The following FBXL7 variants were observed in gnomAD, a reference collection of about 807,000 sequenced individuals.
FBXL7 encodes the protein F-box/LRR-repeat protein 7.
Under a neutral mutation model 38.3 loss-of-function variants are expected in FBXL7, and 12 were observed. The ratio of observed to expected loss-of-function variants is 0.31; its 90% CI spans 0.20 to 0.51. FBXL7 has a LOEUF of 0.51. Among genes scored for constraint, FBXL7 ranks in the 20% least tolerant of loss-of-function variants. The pLI is 0.98. For missense variants in FBXL7, 567 were observed against 676.4 expected (o/e 0.84, Z 1.79); for synonymous variants, 297 against 300.9 (o/e 0.99, Z 0.13).
At chr5:15,827,997 G>C (rs776105398) in intron 2 of FBXL7, among the ~76,000 whole-genome samples, 1 of 152,180 alleles carries the variant, frequency 6.6e-6, no homozygotes, top group South Asian at 2.1e-4. Context: ...ACTGTTTTCT[G>C]TGGAAAACCT....
intron 1 of FBXL7, among the ~76,000 whole-genome samples, chr5:15,525,752 A>T (rs1288117543): frequency 6.6e-6 from 1 of 152,226 alleles, no homozygotes; most frequent in Non-Finnish European, 1.5e-5. Context: ...TGTGATAAGA[A>T]GAGACTTTTG....
Position 15,892,914 on chromosome 5 carries a change from G to A in FBXL7, c.128-34976G>A, listed in dbSNP as rs183967640. Among the ~76,000 whole-genome samples, 21 of 152,148 alleles carry A rather than the reference G, an allele frequency of 1.4e-4. No individual in the cohort carries two copies. In the East Asian group the frequency reaches 2.5e-3, roughly 18 times the overall value. ...GGGCGGATCACGAGGTCAGGAGATC[G>A]AGACCATCCTGGCTAACAGGGTGAA... On this transcript the variant is annotated intron_variant, in intron 2 of 3. Transcript: ENST00000504595.
At chr5:15,514,682 A>G (rs1012498134) in intron 1 of FBXL7, among the ~76,000 whole-genome samples, 1 of 152,078 alleles carries the variant, frequency 6.6e-6, no homozygotes, top group Non-Finnish European at 1.5e-5. Context: ...AAGATTTGAG[A>G]TGAATAGAGT....
chr5:15,706,742 T>G (rs1301426039), intron 2 of FBXL7, among the ~76,000 whole-genome samples: 1 of 152,070 alleles, frequency 6.6e-6, no homozygotes, highest in Non-Finnish European at 1.5e-5. Context: ...GAACAGAGGA[T>G]TTTCCCTAAG....
At chr5:15,749,266 A>AT (rs1736093433) in intron 2 of FBXL7, among the ~76,000 whole-genome samples, 1 of 144,722 alleles carries the variant, frequency 6.9e-6, no homozygotes. Flanking sequence ...AAAAAAAAAA[A>AT]AATTCAAGAG....
chr5:15,799,292 C>T (rs1389086692), intron 2 of FBXL7, among the ~76,000 whole-genome samples: 1 of 151,122 alleles, frequency 6.6e-6, no homozygotes, highest in Non-Finnish European at 1.5e-5. Context: ...GAATGCATGT[C>T]TGCATCTCAT....
At chr5:15,518,936 C>G (rs1737020438) in intron 1 of FBXL7, among the ~76,000 whole-genome samples, 1 of 152,106 alleles carries the variant, frequency 6.6e-6, no homozygotes, top group African/African-American at 2.4e-5. Flanking sequence ...GAAACAATGA[C>G]AAATGAAACG....
intron 2 of FBXL7, among the ~76,000 whole-genome samples, chr5:15,765,937 G>A (rs1212385162): frequency 6.6e-6 from 1 of 151,976 alleles, no homozygotes; most frequent in Non-Finnish European, 1.5e-5. Flanking sequence ...AGTGTACAGC[G>A]GCTTCCTGGT....
rs531006835 is a variant in FBXL7, at chr5:15,920,248, C to T, written c.128-7642C>T. On this transcript the variant is annotated intron_variant, in intron 2 of 3. Transcript: ENST00000504595. Reference sequence around the variant, plus strand: ...CTCCAGCCTGGATGACAGAGCGAGACTCCATCTCAAAAAAAAAAAAATTGC... The same window carrying T: ...CTCCAGCCTGGATGACAGAGCGAGATTCCATCTCAAAAAAAAAAAAATTGC... 7.4e-5 allele frequency among the ~76,000 whole-genome samples: 11 copies of T among 149,092 alleles called. No homozygotes were observed. In the South Asian group the frequency reaches 2.1e-3, roughly 29 times the overall value.
chr5:15,913,251 TAATGTTTTTTTTTA>T (rs1253444977), intron 2 of FBXL7, among the ~76,000 whole-genome samples: 5 of 139,438 alleles, frequency 3.6e-5, no homozygotes, highest in Non-Finnish European at 7.7e-5. Flanking sequence ...TTTTTTTTTT[TAATGTTTTTTTTTA>T]TTAATTTTTT....
At chr5:15,762,841 A>G (rs1208179580) in intron 2 of FBXL7, among the ~76,000 whole-genome samples, 1 of 152,224 alleles carries the variant, frequency 6.6e-6, no homozygotes, top group African/African-American at 2.4e-5. Context: ...TAAACAGTTT[A>G]TGCTAATTGA....
chr5:15,870,180 C>T (rs1405286835), intron 2 of FBXL7, among the ~76,000 whole-genome samples: 1 of 151,860 alleles, frequency 6.6e-6, no homozygotes, highest in African/African-American at 2.4e-5. Flanking sequence ...GACCTACCAA[C>T]CTAAATGATC....
intron 2 of FBXL7, among the ~76,000 whole-genome samples, chr5:15,661,074 C>T (rs1247963341): frequency 6.6e-6 from 1 of 152,306 alleles, no homozygotes; most frequent in African/African-American, 2.4e-5. Flanking sequence ...AGCTGCTAGA[C>T]AGTCCATGTA....
intron 2 of FBXL7, among the ~76,000 whole-genome samples, chr5:15,805,077 A>G (rs1737673266): frequency 6.6e-6 from 1 of 152,160 alleles, no homozygotes; most frequent in Admixed American, 6.5e-5. Flanking sequence ...GTATGTGTCT[A>G]TCATAACTGC....
intron 2 of FBXL7, among the ~76,000 whole-genome samples, chr5:15,883,127 AT>A (rs1408031764): frequency 2.0e-5 from 3 of 152,296 alleles, no homozygotes; most frequent in Non-Finnish European, 4.4e-5. Flanking sequence ...ATCATATATT[AT>A]TGTGTACCCT....
chr5:15,853,663 A>G (rs1739168419), intron 2 of FBXL7, among the ~76,000 whole-genome samples: 1 of 152,172 alleles, frequency 6.6e-6, no homozygotes. Context: ...AGGTGGATGC[A>G]TGCTCTGACT....
At chr5:15,898,995 G>C (rs1489985839) in intron 2 of FBXL7, among the ~76,000 whole-genome samples, 1 of 151,832 alleles carries the variant, frequency 6.6e-6, no homozygotes, top group Non-Finnish European at 1.5e-5. Flanking sequence ...ATGTGTGTGA[G>C]ATATGTATAC....
intron 2 of FBXL7, among the ~76,000 whole-genome samples, chr5:15,775,384 T>TACACAC (rs61058450): frequency 9.9e-5 from 15 of 150,790 alleles, no homozygotes; most frequent in African/African-American, 3.4e-4. Context: ...CCCCACCATA[T>TACACAC]ACACACACAC....
intron 1 of FBXL7, chr5:15,606,733 G>A (rs547298284): frequency 1.3e-5 from 2 of 152,094 alleles, no homozygotes; most frequent in Admixed American, 6.6e-5. Context: ...TCTTTGCCGC[G>A]TGGAACAAAG....
Sources: allele counts gnomAD v4.1 joint callset (sites outside exome capture counted in the v4.1 genomes callset), GRCh38; gene constraint gnomAD v4.1.1; transcripts MANE v1.5; gene names NCBI Gene and HGNC (gene_info 2026-07-23, HGNC 2026-07-21).